The following ZNF765 variants were observed in gnomAD, a reference collection of about 807,000 sequenced individuals.
The protein encoded by ZNF765 is zinc finger protein 765.
Under a neutral mutation model 44.7 loss-of-function variants are expected in ZNF765, and 37 were observed. That is an observed-to-expected ratio of 0.83 (90% CI 0.64 to 1.09). ZNF765 has a LOEUF of 1.09. Ranked by LOEUF, ZNF765 falls within the 50% of genes least tolerant of loss-of-function variation. The probability of loss-of-function intolerance (pLI) is 0.00; values close to 1 mark genes in which losing one functional copy is unlikely to be tolerated. For synonymous variants in ZNF765, 201 were observed against 213.7 expected (o/e 0.94, Z 0.52); for missense variants, 594 against 626.1 (o/e 0.95, Z 0.55).
At chr19:53,424,250 G>A (rs1303655071) in exon 4 of ZNF765, 1 of 146,712 alleles carries the variant, frequency 6.8e-6, no homozygotes, top group Non-Finnish European at 1.5e-5. Flanking sequence ...GAGAATTTGA[G>A]ACCAGCCTGA....
intron 2 of ZNF765, among the ~76,000 whole-genome samples, chr19:53,400,769 T>C (rs937574804): frequency 4.9e-5 from 4 of 81,878 alleles, no homozygotes; most frequent in African/African-American, 9.1e-5. Flanking sequence ...TTGACATATA[T>C]ATATATATAT....
At chr19:53,422,620 G>A (rs1489764044) in intron 3 of ZNF765, among the ~76,000 whole-genome samples, 1 of 151,724 alleles carries the variant, frequency 6.6e-6, no homozygotes, top group Admixed American at 6.6e-5. Flanking sequence ...TATCATCCAG[G>A]CTGGCGTGCA....
At chr19:53,397,102 T>C (rs899449482) in intron 1 of ZNF765, among the ~76,000 whole-genome samples, 1 of 152,274 alleles carries the variant, frequency 6.6e-6, no homozygotes, top group Non-Finnish European at 1.5e-5. Context: ...GAGTCTACTT[T>C]GTCTAAGTCT....
chr19:53,420,342 TATAA>T (rs2085899950), intron 3 of ZNF765, among the ~76,000 whole-genome samples: 1 of 152,014 alleles, frequency 6.6e-6, no homozygotes, highest in South Asian at 2.1e-4. Context: ...AAAAATAAAA[TATAA>T]ATAAATAAAT....
Position 53,411,389 on chromosome 19 carries a change from T to A in ZNF765, c.*2262T>A, listed in dbSNP as rs2085832726. 1 of 149,914 alleles carries A rather than the reference T, an allele frequency of 6.7e-6. No homozygotes were observed. The highest frequency in any genetic ancestry group is 2.1e-4 in the South Asian group (1 of 4,760). 9.3% of individuals were successfully genotyped at this position (149,914 alleles called of 1,614,324 possible). A position where few individuals can be genotyped will look rare whatever the true frequency, so the allele number is the denominator to read the frequency against. On this transcript the variant is annotated 3_prime_UTR_variant, in exon 4 of 4. Transcript: ENST00000396408. ...CTCACTACAACCTCCGCCTCCCAGG[T>A]TCAAGCAATTCTCCTGCCTCAGCCT...
At chr19:53,413,250 C>T (rs555459965), downstream of ZNF765, 19 of 595,304 alleles carry the variant, frequency 3.2e-5, no homozygotes, top group South Asian at 1.5e-4. Context: ...AAAGCAAAAC[C>T]GTTCCATTCC....
Position 53,407,749 on chromosome 19 carries a change from A to G in ZNF765, c.194A>G (p.Asn65Ser), listed in dbSNP as rs770947879. The G allele has an allele frequency of 3.1e-6, 5 of 1,596,242 alleles. No homozygotes were observed. Among genetic ancestry groups the G allele is most frequent in the East Asian group, 2.2e-5 (1 of 44,786 alleles). Residue 65 changes from asparagine (N) to serine (S), a missense_variant, in exon 4 of 4, where the codon AAT (asparagine) becomes AGT (serine). By Grantham distance (46) the Asn-to-Ser change is conservative. Around this residue, in one of 2 missense-constraint regions of ZNF765, gnomAD observed 567 missense variants for 572.6 expected, o/e 0.99. Coordinates refer to ENST00000396408, the MANE Select transcript of ZNF765 (RefSeq NM_001040185.3). ...GAGTTCTCGTCAACAGCACAAGGCA[A>G]TAGAGAAGTGTTCCATGCAGGGACA... ...MKEFSSTAQG[N>S]REVFHAGTSQ...
chr19:53,417,759 CTTCCT>C (rs1428149489), intron 3 of ZNF765, among the ~76,000 whole-genome samples: 2 of 152,208 alleles, frequency 1.3e-5, no homozygotes, highest in East Asian at 3.8e-4. Flanking sequence ...CTTCCTTTTA[CTTCCT>C]TTCATGTCTT....
At chr19:53,413,600 GTTT>G (rs61360964), downstream of ZNF765, among the ~76,000 whole-genome samples, 39,409 of 138,398 alleles carry the variant, frequency 0.28, 6,427 homozygotes, top group Admixed American at 0.36. Flanking sequence ...TGCTTTTTAG[GTTT>G]TTTTTTTTTT....
chr19:53,410,953 G>A lies in ZNF765; in HGVS notation c.*1826G>A, dbSNP rs2085828312. 7.4e-6 allele frequency: 3 copies of A among 403,506 alleles called. No individual in the cohort carries two copies. The highest frequency in any genetic ancestry group is 1.5e-5 in the Non-Finnish European group (3 of 200,268). 25.0% of individuals were successfully genotyped at this position (403,506 alleles called of 1,614,324 possible). On this transcript the variant is annotated 3_prime_UTR_variant, in exon 4 of 4. Coordinates refer to ENST00000396408, the MANE Select transcript of ZNF765 (RefSeq NM_001040185.3). Reference sequence around the variant, plus strand: ...TGTCATCAGTGTGCCAAAGTCTTCAGTCTGAGCTCACTCCTTGCAGGATAT... The same window carrying A: ...TGTCATCAGTGTGCCAAAGTCTTCAATCTGAGCTCACTCCTTGCAGGATAT...
At chr19:53,396,141 T>G (rs1184695022) in intron 1 of ZNF765, among the ~76,000 whole-genome samples, 2 of 151,528 alleles carry the variant, frequency 1.3e-5, no homozygotes, top group Admixed American at 6.6e-5. Flanking sequence ...GAGGAGGGAT[T>G]TGGAGCCAGG....
At chr19:53,420,221 AC>A (rs2085899249) in intron 3 of ZNF765, among the ~76,000 whole-genome samples, 1 of 151,290 alleles carries the variant, frequency 6.6e-6, no homozygotes, top group Non-Finnish European at 1.5e-5. Flanking sequence ...AATCCCAGCT[AC>A]TCAGGAGGCT....
At chr19:53,401,320 T>A (rs1240480242) in intron 2 of ZNF765, among the ~76,000 whole-genome samples, 1 of 151,974 alleles carries the variant, frequency 6.6e-6, no homozygotes, top group Non-Finnish European at 1.5e-5. Context: ...TCCCAGCACT[T>A]TGGGAGGCCG....
chr19:53,410,414 T>G lies in ZNF765; in HGVS notation c.*1287T>G, dbSNP rs761791847. The G allele has an allele frequency of 3.3e-5, 11 of 332,610 alleles. No individual in the cohort carries two copies. The highest frequency in any genetic ancestry group is 8.3e-5 in the South Asian group (3 of 36,074). 20.6% of individuals were successfully genotyped at this position (332,610 alleles called of 1,614,324 possible). ...CACAGGAGAATTCCTACTGGAGAGA[T>G]AGCATAAAAATGTAAGAGTTTGTGA... On this transcript the variant is annotated 3_prime_UTR_variant, in exon 4 of 4. Transcript: ENST00000396408.
chr19:53,411,039 A>AT lies in ZNF765; in HGVS notation c.*1914dup, dbSNP rs1432319778. ...CAATGTGTATAGCAAACCATCAAGC[A>AT]TTAATTGACACTAGAGTCAGTTCAG... On this transcript the variant is annotated 3_prime_UTR_variant, in exon 4 of 4. Coordinates refer to ENST00000396408, the MANE Select transcript of ZNF765 (RefSeq NM_001040185.3). 12 of 306,614 alleles carry AT rather than the reference A, an allele frequency of 3.9e-5. No homozygotes were observed. The highest frequency in any genetic ancestry group is 2.2e-4 in the African/African-American group (10 of 45,240). 19.0% of individuals were successfully genotyped at this position (306,614 alleles called of 1,614,324 possible).
intron 1 of ZNF765, among the ~76,000 whole-genome samples, chr19:53,395,574 C>G (rs1046025253): frequency 6.6e-6 from 1 of 152,250 alleles, no homozygotes; most frequent in African/African-American, 2.4e-5. Flanking sequence ...GCCCCAGCCC[C>G]AAGGAGGCCG....
intron 3 of ZNF765, chr19:53,423,033 G>C: frequency 1.5e-6 from 1 of 686,054 alleles, no homozygotes; most frequent in Non-Finnish European, 2.7e-6. Flanking sequence ...GAGTGATTCT[G>C]GATGTAAATT....
rs2085792151 is a variant in ZNF765 at position 53,407,982 on chromosome 19, A to G, written c.427A>G (p.Ser143Gly). The G allele has an allele frequency of 3.1e-6, 5 of 1,614,234 alleles. No homozygotes were observed. Among genetic ancestry groups the G allele is most frequent in the Non-Finnish European group, 3.4e-6 (4 of 1,180,042 alleles). The part of the protein sequence containing the change: ...NKPVKYQLGF[S>G]FHSHLPELHI... Reference sequence around the variant, plus strand: ...GCCTGTTAAATATCAGCTTGGATTCAGCTTTCATTCGCATCTGCCTGAACT... The same window carrying G: ...GCCTGTTAAATATCAGCTTGGATTCGGCTTTCATTCGCATCTGCCTGAACT... The change falls in exon 4 of 4, where the codon AGC becomes GGC. Residue 143 changes from serine (S) to glycine (G), a missense_variant. Ser to Gly is a moderately conservative substitution (Grantham distance 56). Transcript: ENST00000396408.
chr19:53,412,732 G>A (rs1053721267), downstream of ZNF765, among the ~76,000 whole-genome samples: 5 of 152,138 alleles, frequency 3.3e-5, no homozygotes, highest in East Asian at 9.8e-4. Context: ...TATTGGCCAG[G>A]CTGGTCTTGA....
Sources: allele counts gnomAD v4.1 joint callset (sites outside exome capture counted in the v4.1 genomes callset), GRCh38; gene constraint gnomAD v4.1.1; regional missense constraint gnomAD v4.1.1; transcripts MANE v1.5; gene names NCBI Gene and HGNC (gene_info 2026-07-23, HGNC 2026-07-21).